The following DLC1 variants were observed in gnomAD, a reference collection of about 807,000 sequenced individuals.
The protein encoded by DLC1 is DLC1 Rho GTPase activating protein.
A neutral mutation model predicts 140.3 loss-of-function variants in DLC1; 54 were observed. That is an observed-to-expected ratio of 0.38 (90% CI 0.31 to 0.48). The LOEUF is 0.48. Among genes scored for constraint, DLC1 ranks in the 20% least tolerant of loss-of-function variants. The pLI, the probability that DLC1 is intolerant of heterozygous loss-of-function variation, is 0.96. For synonymous variants in DLC1, 986 were observed against 728.1 expected, an observed-to-expected ratio of 1.35 and a Z score of -5.70; for missense variants, 2,536 against 1,907.0, an observed-to-expected ratio of 1.33 and a Z score of -6.14.
chr8:13,109,047 GT>G (rs1168669406), intron 7 of DLC1, among the ~76,000 whole-genome samples: 3 of 152,146 alleles, frequency 2.0e-5, no homozygotes, highest in Non-Finnish European at 4.4e-5. Flanking sequence ...AGGACTGTTT[GT>G]TTTTTCCTCT....
chr8:13,374,490 G>C (rs914428583), intron 4 of DLC1, among the ~76,000 whole-genome samples: 2 of 152,114 alleles, frequency 1.3e-5, no homozygotes, highest in African/African-American at 4.8e-5. Flanking sequence ...TCTTTTGTAA[G>C]AATGTCACCC....
At chr8:13,410,803 G>T (rs1398781930) in intron 2 of DLC1, among the ~76,000 whole-genome samples, 1 of 152,118 alleles carries the variant, frequency 6.6e-6, no homozygotes, top group Non-Finnish European at 1.5e-5. Flanking sequence ...AGCCCCACAA[G>T]GGTAATCACG....
intron 5 of DLC1, among the ~76,000 whole-genome samples, chr8:13,159,032 G>C (rs1343627150): frequency 6.6e-6 from 1 of 152,098 alleles, no homozygotes; most frequent in African/African-American, 2.4e-5. Context: ...GGAAATTTAT[G>C]TAATTAGTGA....
In DLC1 at chr8:13,092,548, C is replaced by T. The variant is rs186299501; in HGVS notation, c.3740+64G>A. On this transcript the variant is annotated intron_variant, in intron 13 of 17. Transcript: ENST00000276297. ...AAAGAGTCCCACAAAACCACAGCTA[C>T]GGAGAGTCCTAGGAAGAATGTAGGC... 1,547 of 1,544,386 alleles carry T rather than the reference C, an allele frequency of 1.0e-3. 19 individuals carry two copies. The South Asian group carries it at 0.011, about 11-fold the overall frequency.
chr8:13,364,924 G>T (rs1458809189), intron 4 of DLC1, among the ~76,000 whole-genome samples: 1 of 152,134 alleles, frequency 6.6e-6, no homozygotes, highest in Non-Finnish European at 1.5e-5. Context: ...TGCAATGTTT[G>T]TTTTCTGTCC....
intron 5 of DLC1, among the ~76,000 whole-genome samples, chr8:13,266,613 C>A (rs1217365957): frequency 6.6e-6 from 1 of 152,008 alleles, no homozygotes; most frequent in African/African-American, 2.4e-5. Context: ...GATATGGTGG[C>A]AGGTGCCTGT....
chr8:13,397,051 A>G (rs4831426), intron 3 of DLC1, among the ~76,000 whole-genome samples: 35,640 of 151,798 alleles, frequency 0.23, 4,823 homozygotes, highest in Admixed American at 0.29. Flanking sequence ...CTTTGGGAAT[A>G]TAGAGCTCTC....
chr8:13,556,044 A>C (rs912708755), intron 1 of DLC1, among the ~76,000 whole-genome samples: 16 of 152,262 alleles, frequency 1.1e-4, no homozygotes, highest in Admixed American at 3.9e-4. Flanking sequence ...AGGACAAAAG[A>C]GAAAGAAAAT....
intron 4 of DLC1, among the ~76,000 whole-genome samples, chr8:13,329,997 CT>C (rs1833521341): frequency 6.6e-6 from 1 of 152,082 alleles, no homozygotes; most frequent in Non-Finnish European, 1.5e-5. Context: ...CAGAATTTTG[CT>C]CTGTTACCCA....
At chr8:13,406,407 C>G (rs1013536581) in intron 2 of DLC1, among the ~76,000 whole-genome samples, 1 of 151,910 alleles carries the variant, frequency 6.6e-6, no homozygotes, top group Non-Finnish European at 1.5e-5. Context: ...AGGAAGCAAC[C>G]TATTTCATAT....
chr8:13,238,409 G>A (rs111887874), intron 5 of DLC1, among the ~76,000 whole-genome samples: 8,172 of 152,038 alleles, frequency 0.054, 265 homozygotes, highest in South Asian at 0.14. Context: ...GCTACAGGGG[G>A]AGGTGAGGCA....
intron 1 of DLC1, among the ~76,000 whole-genome samples, chr8:13,575,597 A>G (rs887622953): frequency 6.6e-6 from 1 of 152,194 alleles, no homozygotes; most frequent in Non-Finnish European, 1.5e-5. Context: ...ACATAAAAAA[A>G]AAATGCAGTC....
chr8:13,108,285 C>A (rs1222706373), intron 7 of DLC1, among the ~76,000 whole-genome samples: 1 of 152,072 alleles, frequency 6.6e-6, no homozygotes, highest in Non-Finnish European at 1.5e-5. Flanking sequence ...GGCCTTTCTG[C>A]ACATACTCAA....
rs1801694557 is a variant in DLC1 at position 13,499,642 on chromosome 8, C to A, written c.430G>T (p.Ala144Ser). 1.2e-6 allele frequency: 2 copies of A among 1,614,148 alleles called. No homozygotes were observed. Among genetic ancestry groups the A allele is most frequent in the Non-Finnish European group, 1.7e-6 (2 of 1,180,012 alleles). Residue 144 changes from alanine (A) to serine (S), a missense_variant, in exon 2 of 18, where the codon GCA becomes TCA. Ala to Ser is a moderately conservative substitution (Grantham distance 99). Coordinates refer to ENST00000276297, the MANE Select transcript of DLC1 (RefSeq NM_182643.3). ...KTSGQHMIQG[A>S]GSLEKALPII... ...GGCAGTGCCTTTTCTAAGGAGCCTG[C>A]TCCTTGGATCATATGTTGGCCTGAT...
At chr8:13,437,736 T>C (rs1839186871) in intron 2 of DLC1, among the ~76,000 whole-genome samples, 1 of 152,190 alleles carries the variant, frequency 6.6e-6, no homozygotes, top group East Asian at 1.9e-4. Flanking sequence ...CTGCAGATGA[T>C]GTGTTTAAAA....
chr8:13,572,469 C>T (rs892311234), intron 1 of DLC1, among the ~76,000 whole-genome samples: 2 of 152,088 alleles, frequency 1.3e-5, no homozygotes, highest in African/African-American at 4.8e-5. Flanking sequence ...TTTTTATACA[C>T]ACAAGTTTTT....
intron 4 of DLC1, among the ~76,000 whole-genome samples, chr8:13,346,725 T>G (rs1279401477): frequency 6.6e-6 from 1 of 152,160 alleles, no homozygotes; most frequent in Non-Finnish European, 1.5e-5. Context: ...AACCCCCCTT[T>G]GTCAGTCTCC....
At chr8:13,367,585 G>C (rs1835545948) in intron 4 of DLC1, among the ~76,000 whole-genome samples, 2 of 152,172 alleles carry the variant, frequency 1.3e-5, no homozygotes, top group African/African-American at 4.8e-5. Context: ...TTGTTTTTGT[G>C]AAGGGTGTGT....
At chr8:13,446,748 C>G (rs956729574) in intron 2 of DLC1, among the ~76,000 whole-genome samples, 1 of 152,050 alleles carries the variant, frequency 6.6e-6, no homozygotes, top group African/African-American at 2.4e-5. Flanking sequence ...CGAGACCAGC[C>G]TGGCCAACAT....
Sources: allele counts gnomAD v4.1 joint callset (sites outside exome capture counted in the v4.1 genomes callset), GRCh38; gene constraint gnomAD v4.1.1; transcripts MANE v1.5; gene names NCBI Gene and HGNC (gene_info 2026-07-23, HGNC 2026-07-21).